Variants in RANBP3L observed in about 807,000 individuals in gnomAD.
RANBP3L encodes RAN binding protein 3 like.
A neutral mutation model predicts 67.2 loss-of-function variants in RANBP3L; 56 were observed. That is an observed-to-expected ratio of 0.83 (90% CI 0.67 to 1.04). RANBP3L has a LOEUF of 1.04. RANBP3L is among the 50% of genes least tolerant of loss of function. The pLI is 0.00. For synonymous variants in RANBP3L, 164 were observed against 181.4 expected, an observed-to-expected ratio of 0.90 and a Z score of 0.77; for missense variants, 496 against 535.5, an observed-to-expected ratio of 0.93 and a Z score of 0.73.
At chr5:36,252,708 C>G (rs569161139) in intron 12 of RANBP3L, among the ~76,000 whole-genome samples, 1 of 152,202 alleles carries the variant, frequency 6.6e-6, no homozygotes, top group South Asian at 2.1e-4. Context: ...TGGCATGCTA[C>G]TTTACCCACC....
intron 1 of RANBP3L, among the ~76,000 whole-genome samples, chr5:36,297,405 G>T (rs1752298996): frequency 6.9e-6 from 1 of 144,870 alleles, no homozygotes; most frequent in Non-Finnish European, 1.5e-5. Context: ...TCAAATTTGT[G>T]TTGTTCAGGA....
chr5:36,301,671 C>T lies in RANBP3L; in HGVS notation c.-255G>A, dbSNP rs1236936623. 5.1e-6 allele frequency: 2 copies of T among 395,184 alleles called. No individual in the cohort carries two copies. Among genetic ancestry groups the T allele is most frequent in the African/African-American group, 4.0e-5 (2 of 50,326 alleles). 24.5% of individuals were successfully genotyped at this position (395,184 alleles called of 1,614,324 possible). ...ATTTGGTTAAAAACACAACTTAATT[C>T]CTTCATTTCAAAACAAATTGAAACT... On this transcript the variant is annotated 5_prime_UTR_variant, in exon 1 of 14. Coordinates refer to ENST00000296604, the MANE Select transcript of RANBP3L (RefSeq NM_145000.5).
At chr5:36,261,801 T>G (rs1395952658) in intron 7 of RANBP3L, 138 bp downstream of exon 7, 15 of 484,678 alleles carry the variant, frequency 3.1e-5, no homozygotes, top group Admixed American at 7.0e-5. Flanking sequence ...AACTTGTGTT[T>G]CCTATAAAAT....
chr5:36,256,521 AAAGG>A (rs1482213872), intron 10 of RANBP3L, among the ~76,000 whole-genome samples: 1 of 152,120 alleles, frequency 6.6e-6, no homozygotes, highest in Non-Finnish European at 1.5e-5. Context: ...AAACTTTTTT[AAAGG>A]AAGCTAAATT....
intron 3 of RANBP3L, 27 bp from the exon 4 acceptor site, chr5:36,269,494 A>ATT: frequency 7.8e-7 from 1 of 1,282,734 alleles, no homozygotes. Context: ...GGAAAGGCTA[A>ATT]AATTACTTGT....
chr5:36,299,335 A>G (rs2202005), intron 1 of RANBP3L, among the ~76,000 whole-genome samples: 52,546 of 145,038 alleles, frequency 0.36, 11,237 homozygotes, highest in Middle Eastern at 0.5. Flanking sequence ...ACATACATAT[A>G]TGTGTGTGTG....
At position 36,262,019 on chromosome 5, in the gene RANBP3L, C is replaced by T. The variant is rs908563619; in HGVS notation, c.504G>A (p.Leu168=). ...NNKISEGNSY[L]LSENLSRARI... ...TAGCCCTTGATAAATTTTCACTTAA[C>T]AAATAGGAATTTCCCTCAGAAATCT... The change falls in exon 7 of 14, where the codon TTG becomes TTA. Residue 168 remains leucine (L), a synonymous_variant. Coordinates refer to ENST00000296604, the MANE Select transcript of RANBP3L (RefSeq NM_145000.5). The T allele has an allele frequency of 1.3e-6, 2 of 1,598,342 alleles. No homozygotes were observed. The highest frequency in any genetic ancestry group is 2.7e-5 in the African/African-American group (2 of 74,478).
chr5:36,255,764 G>A (rs1016154604), intron 10 of RANBP3L, among the ~76,000 whole-genome samples, 174 bp from the exon 11 acceptor site: 7 of 151,928 alleles, frequency 4.6e-5, no homozygotes, highest in Non-Finnish European at 8.8e-5. Context: ...ATAACTTTCG[G>A]ATAGTTCAAA....
chr5:36,292,252 T>C (rs1017383820), intron 1 of RANBP3L, among the ~76,000 whole-genome samples: 1 of 151,996 alleles, frequency 6.6e-6, no homozygotes, highest in East Asian at 1.9e-4. Flanking sequence ...GGGTTGTTTG[T>C]TTTTTTCTTG....
chr5:36,267,846 T>A lies in RANBP3L; in HGVS notation c.268+1544A>T, dbSNP rs148586794. 4.8e-3 allele frequency among the ~76,000 whole-genome samples: 731 copies of A among 152,342 alleles called. 6 individuals carry two copies. Among genetic ancestry groups the A allele is most frequent in the African/African-American group, 0.017 (705 of 41,584 alleles). On this transcript the variant is annotated intron_variant, in intron 4 of 13. Coordinates refer to ENST00000296604, the MANE Select transcript of RANBP3L (RefSeq NM_145000.5). ...AATATGAATCTAAAGCATAATTGCA[T>A]GTTTTAAATGCTATTACATTATAAA...
chr5:36,250,876 A>G (rs1484176955), intron 13 of RANBP3L, among the ~76,000 whole-genome samples: 1 of 152,168 alleles, frequency 6.6e-6, no homozygotes, highest in Non-Finnish European at 1.5e-5. Context: ...TAGTATTTGT[A>G]CAATCTAGTT....
In RANBP3L at chr5:36,271,297, C is replaced by T. The variant is rs764229043; in HGVS notation, c.106G>A (p.Ala36Thr). The stretch of plus-strand genomic sequence containing the variant: ...TTTTCAAAAACAAATATGGGTTGAG[C>T]AATGACAGATTTTTCTGTGAAAAAA... ...DRRQQEKSVI[A>T]QPIFVFEKGE... Residue 36 changes from alanine to threonine, a missense_variant, in exon 2 of 14, where the codon GCT becomes ACT. Coordinates refer to ENST00000296604, the MANE Select transcript of RANBP3L (RefSeq NM_145000.5). 1.9e-6 allele frequency: 3 copies of T among 1,583,898 alleles called. No individual in the cohort carries two copies. The South Asian group carries it at 3.3e-5, about 18-fold the overall frequency.
chr5:36,261,446 G>A (rs1749381196), intron 7 of RANBP3L, among the ~76,000 whole-genome samples: 1 of 152,138 alleles, frequency 6.6e-6, no homozygotes, highest in Non-Finnish European at 1.5e-5. Flanking sequence ...CCTGGACAGA[G>A]CCCAGTCATG....
At chr5:36,284,343 G>A (rs763250865) in intron 1 of RANBP3L, among the ~76,000 whole-genome samples, 11 of 152,186 alleles carry the variant, frequency 7.2e-5, no homozygotes, top group Non-Finnish European at 1.0e-4. Flanking sequence ...ATTAATACAG[G>A]TATTTACTGC....
At chr5:36,251,229 G>T in intron 13 of RANBP3L, 84 bp downstream of exon 13, 4 of 1,160,748 alleles carry the variant, frequency 3.4e-6, no homozygotes, top group Non-Finnish European at 1.2e-6. Flanking sequence ...AGTTCCACTT[G>T]TTAAAAAATC....
chr5:36,263,500 A>G (rs997010933), intron 6 of RANBP3L, among the ~76,000 whole-genome samples: 1 of 149,342 alleles, frequency 6.7e-6, no homozygotes, highest in Admixed American at 6.6e-5. Context: ...AACTTTTTAG[A>G]AATTAGTCAA....
At chr5:36,251,258 C>A in intron 13 of RANBP3L, 55 bp downstream of exon 13, 1 of 1,427,950 alleles carries the variant, frequency 7.0e-7, no homozygotes. Context: ...ATATTAGGAT[C>A]GTGCTTAAGA....
chr5:36,278,711 C>G (rs951712897), intron 1 of RANBP3L, among the ~76,000 whole-genome samples: 7 of 152,008 alleles, frequency 4.6e-5, no homozygotes, highest in Admixed American at 3.9e-4. Context: ...AAGGGCTACC[C>G]TAAGTACTTG....
chr5:36,282,143 T>C (rs1321479440), intron 1 of RANBP3L, among the ~76,000 whole-genome samples: 2 of 152,194 alleles, frequency 1.3e-5, no homozygotes, highest in Non-Finnish European at 2.9e-5. Context: ...GTAAATCACA[T>C]ATTTTTCACT....
Sources: allele counts gnomAD v4.1 joint callset (sites outside exome capture counted in the v4.1 genomes callset), GRCh38; gene constraint gnomAD v4.1.1; transcripts MANE v1.5; gene names NCBI Gene and HGNC (gene_info 2026-07-23, HGNC 2026-07-21).